Variants in LRP1B observed in about 807,000 individuals in gnomAD.
The protein encoded by LRP1B is LDL receptor related protein 1B.
LRP1B carries 217 observed loss-of-function variants against 556.6 expected under a neutral mutation model. The ratio of observed to expected loss-of-function variants is 0.39; its 90% CI spans 0.35 to 0.44. The LOEUF is 0.44. Ranked by LOEUF, LRP1B falls within the 20% of genes least tolerant of loss-of-function variation. LRP1B has a pLI of 1.00. For missense variants in LRP1B, 5,053 were observed against 5,620.8 expected (o/e 0.90, Z 3.23); for synonymous variants, 2,047 against 1,865.8 (o/e 1.10, Z -2.50).
intron 41 of LRP1B, among the ~76,000 whole-genome samples, chr2:140,675,708 T>C (rs1039993419): frequency 3.9e-5 from 6 of 152,158 alleles, no homozygotes; most frequent in Non-Finnish European, 8.8e-5. Flanking sequence ...GCCCAGGAGT[T>C]TGAGGTTGCA....
intron 1 of LRP1B, among the ~76,000 whole-genome samples, chr2:141,899,906 C>T (rs978809792): frequency 6.6e-6 from 1 of 151,980 alleles, no homozygotes; most frequent in Non-Finnish European, 1.5e-5. Flanking sequence ...ATCTCTACCC[C>T]CTGCTTGGCA....
intron 1 of LRP1B, among the ~76,000 whole-genome samples, chr2:141,824,897 G>GT (rs1696872280): frequency 1.3e-5 from 2 of 152,292 alleles, no homozygotes; most frequent in African/African-American, 2.4e-5. Context: ...GGAGATGGTT[G>GT]TATCATGGGA....
At chr2:141,328,827 C>A (rs560868961) in intron 3 of LRP1B, among the ~76,000 whole-genome samples, 70 of 152,094 alleles carry the variant, frequency 4.6e-4, no homozygotes, top group Non-Finnish European at 6.5e-4. Flanking sequence ...GAGAAGCAAT[C>A]AGATTTAAAG....
At chr2:140,525,687 T>A (rs1372496636) in intron 49 of LRP1B, among the ~76,000 whole-genome samples, 157 bp downstream of exon 49, 1 of 152,004 alleles carries the variant, frequency 6.6e-6, no homozygotes, top group East Asian at 1.9e-4. Flanking sequence ...TCAAGCGGTA[T>A]GTTTAGAACA....
At chr2:142,092,235 T>C (rs1706200108) in intron 1 of LRP1B, among the ~76,000 whole-genome samples, 1 of 152,196 alleles carries the variant, frequency 6.6e-6, no homozygotes, top group Admixed American at 6.5e-5. Context: ...AAGTACCTAG[T>C]GAATTGGTTG....
At chr2:140,517,636 AT>A (rs201574103) in intron 49 of LRP1B, among the ~76,000 whole-genome samples, 1 of 150,954 alleles carries the variant, frequency 6.6e-6, no homozygotes, top group Non-Finnish European at 1.5e-5. Flanking sequence ...AATTATATAT[AT>A]TTTTTAAATT....
At chr2:141,856,227 C>T (rs558822450) in intron 1 of LRP1B, among the ~76,000 whole-genome samples, 1 of 152,146 alleles carries the variant, frequency 6.6e-6, no homozygotes, top group African/African-American at 2.4e-5. Context: ...ATAACCTATC[C>T]AAAAATCTTC....
chr2:142,068,033 G>T (rs1705172161), intron 1 of LRP1B, among the ~76,000 whole-genome samples: 1 of 151,498 alleles, frequency 6.6e-6, no homozygotes. Flanking sequence ...CAGTCTAGGA[G>T]CTGGTTCCTT....
At chr2:140,321,480 CAGT>C (rs977579412) in intron 82 of LRP1B, among the ~76,000 whole-genome samples, 4 of 151,506 alleles carry the variant, frequency 2.6e-5, no homozygotes, top group African/African-American at 4.8e-5. Context: ...GTGGTAATAG[CAGT>C]AGTAGTAGTA....
chr2:141,066,865 A>C (rs1265002927), intron 7 of LRP1B, among the ~76,000 whole-genome samples: 1 of 151,920 alleles, frequency 6.6e-6, no homozygotes, highest in Non-Finnish European at 1.5e-5. Flanking sequence ...ACTAGCTAAG[A>C]GGGGAGTAAG....
intron 1 of LRP1B, among the ~76,000 whole-genome samples, chr2:142,005,877 T>A (rs1306232262): frequency 1.4e-5 from 2 of 145,970 alleles, no homozygotes; most frequent in African/African-American, 2.5e-5. Flanking sequence ...TTTCTCTTTA[T>A]CCTCTCATGA....
chr2:142,125,008 T>C (rs528426396), intron 1 of LRP1B, among the ~76,000 whole-genome samples: 4 of 151,838 alleles, frequency 2.6e-5, no homozygotes, highest in African/African-American at 9.6e-5. Context: ...TGGGCTTGTA[T>C]AGAGATAGCC....
Position 140,599,132 on chromosome 2 carries a change from A to G in LRP1B, c.6990-297T>C, listed in dbSNP as rs530905081. ...TGCATAATGAGGATTTATTTTAATC[A>G]AGAACAAAACAGTGATCTTAAGTTT... On this transcript the variant is annotated intron_variant, in intron 42 of 90. Coordinates refer to ENST00000389484, the MANE Select transcript of LRP1B (RefSeq NM_018557.3). 2.6e-5 allele frequency among the ~76,000 whole-genome samples: 4 copies of G among 152,236 alleles called. No homozygotes were observed. The South Asian group carries it at 8.3e-4, about 32-fold the overall frequency.
intron 1 of LRP1B, among the ~76,000 whole-genome samples, chr2:142,097,819 A>T (rs1253722513): frequency 6.6e-6 from 1 of 151,712 alleles, no homozygotes; most frequent in Non-Finnish European, 1.5e-5. Context: ...ATTTTTTTAA[A>T]TATGGCATTC....
intron 3 of LRP1B, among the ~76,000 whole-genome samples, chr2:141,372,027 G>A (rs1689245401): frequency 6.6e-6 from 1 of 151,820 alleles, no homozygotes; most frequent in East Asian, 1.9e-4. Context: ...CCTTTATGTT[G>A]AGTTATGTTT....
intron 43 of LRP1B, among the ~76,000 whole-genome samples, chr2:140,577,479 C>A (rs1427003877): frequency 6.6e-6 from 1 of 151,280 alleles, no homozygotes; most frequent in Admixed American, 6.6e-5. Flanking sequence ...TGCAGTGGTG[C>A]AATTATGGCT....
chr2:141,562,551 G>C (rs1165573654), intron 2 of LRP1B, among the ~76,000 whole-genome samples: 1 of 151,864 alleles, frequency 6.6e-6, no homozygotes, highest in Non-Finnish European at 1.5e-5. Flanking sequence ...TCTCTACATA[G>C]CTCCATAATA....
chr2:141,345,344 T>G (rs1021659908), intron 3 of LRP1B, among the ~76,000 whole-genome samples: 1 of 152,182 alleles, frequency 6.6e-6, no homozygotes, highest in Non-Finnish European at 1.5e-5. Context: ...TAATCTGTTA[T>G]AGCAGCAAAA....
chr2:141,713,135 A>T (rs1692430347), intron 2 of LRP1B, among the ~76,000 whole-genome samples: 4 of 148,446 alleles, frequency 2.7e-5, no homozygotes, highest in Admixed American at 2.0e-4. Flanking sequence ...TGGTCTACCC[A>T]CCTTGGCCTC....
Sources: gnomAD v4.1 joint callset for allele counts (sites outside exome capture counted in the v4.1 genomes callset) on GRCh38, gnomAD v4.1.1 for gene constraint, MANE v1.5 for transcripts, NCBI Gene and HGNC (gene_info 2026-07-23, HGNC 2026-07-21) for gene names.